The following DNAH5 variants were observed in gnomAD, a reference collection of about 807,000 sequenced individuals.
DNAH5 encodes the protein axonemal beta dynein heavy chain 5.
Under a neutral mutation model 518.2 loss-of-function variants are expected in DNAH5, and 372 were observed. That is an observed-to-expected ratio of 0.72 (90% CI 0.66 to 0.78). The LOEUF (loss-of-function observed/expected upper bound fraction) is 0.78. Ranked by LOEUF, DNAH5 falls within the 30% of genes least tolerant of loss-of-function variation. The pLI is 0.00. For missense variants in DNAH5, 5,523 were observed against 5,687.0 expected (o/e 0.97, Z 0.93); for synonymous variants, 2,039 against 2,025.9 (o/e 1.01, Z -0.17).
chr5:13,912,418 T>C (rs1055378469), intron 11 of DNAH5, among the ~76,000 whole-genome samples: 3 of 150,098 alleles, frequency 2.0e-5, no homozygotes, highest in Non-Finnish European at 3.0e-5. Flanking sequence ...TGTGTGTATG[T>C]ATATATATAT....
chr5:13,958,671 A>C (rs573813508), intron 1 of DNAH5, among the ~76,000 whole-genome samples: 8 of 152,340 alleles, frequency 5.3e-5, no homozygotes, highest in Admixed American at 2.6e-4. Flanking sequence ...ATGTGCCAAA[A>C]ACCAGTACTA....
rs142533902 is a variant in DNAH5 at position 13,734,556 on chromosome 5, T to C, written c.11761+575A>G. 2.1e-3 allele frequency among the ~76,000 whole-genome samples: 321 copies of C among 152,262 alleles called. 7 individuals carry two copies. The East Asian group carries it at 0.046, about 22-fold the overall frequency. On this transcript the variant is annotated intron_variant, in intron 68 of 78. Coordinates refer to ENST00000265104, the MANE Select transcript of DNAH5 (RefSeq NM_001369.3). Reference sequence around the variant, plus strand: ...TCCGCTTCACTCATCACCCAGTCACTTTGTTTTATCTACATCACACCAGCC... The same window carrying C: ...TCCGCTTCACTCATCACCCAGTCACCTTGTTTTATCTACATCACACCAGCC...
At position 13,735,832 on chromosome 5, in the gene DNAH5, G is replaced by C; in HGVS notation, c.11556C>G (p.Asp3852Glu). The change falls in exon 67 of 79, where the codon GAC (aspartate) becomes GAG (glutamate). Residue 3852 changes from aspartate to glutamate, a missense_variant. By Grantham distance (45) the Asp-to-Glu change is conservative. Coordinates refer to ENST00000265104, the MANE Select transcript of DNAH5 (RefSeq NM_001369.3). ...TSLRQFLGLF[D>E]LSLARSVKSP... The stretch of plus-strand genomic sequence containing the variant: ...TACAGACGTACCTGGCTAAGGAAAG[G>C]TCAAATAAGCCCAGAAACTGGCGAA... The C allele has an allele frequency of 6.2e-7, 1 of 1,614,056 alleles. No homozygotes were observed. The highest frequency in any genetic ancestry group is 8.5e-7 in the Non-Finnish European group (1 of 1,179,922).
At chr5:13,859,313 C>G in intron 30 of DNAH5, 139 bp downstream of exon 30, 2 of 879,512 alleles carry the variant, frequency 2.3e-6, no homozygotes, top group Non-Finnish European at 3.6e-6. Context: ...TGAAGAATAA[C>G]AGCATTAACA....
intron 1 of DNAH5, among the ~76,000 whole-genome samples, chr5:13,999,848 A>C (rs1358783068): frequency 1.3e-5 from 2 of 152,202 alleles, no homozygotes; most frequent in Admixed American, 1.3e-4. Context: ...CATCTTTCCA[A>C]CACTTGCCCT....
chr5:13,842,437 A>AGAGAGAGAG (rs1561407249), intron 32 of DNAH5, among the ~76,000 whole-genome samples: 2,510 of 91,224 alleles, frequency 0.028, 328 homozygotes, highest in East Asian at 0.074. Context: ...GAAAGAAAGA[A>AGAGAGAGAG]AGAAAGAAAG....
intron 1 of DNAH5, among the ~76,000 whole-genome samples, chr5:13,977,675 T>A (rs1782364354): frequency 6.6e-6 from 1 of 152,072 alleles, no homozygotes; most frequent in South Asian, 2.1e-4. Context: ...GGAGGAAATT[T>A]TCCAAGATCT....
rs1771702563 is a variant in DNAH5, at chr5:13,881,696, A to G, written c.3262+1032T>C. On this transcript the variant is annotated intron_variant, in intron 21 of 78. Transcript: ENST00000265104. The stretch of plus-strand genomic sequence containing the variant: ...GCAGCAAAAGCAGTTCTAAGAGGAA[A>G]CGGTATAGCAAAATAAACAGCTAAG... Among the ~76,000 whole-genome samples the G allele has an allele frequency of 1.3e-5, 2 of 152,178 alleles. 1 individual carries two copies. The highest frequency in any genetic ancestry group is 4.1e-4 in the South Asian group (2 of 4,822).
Position 13,865,888 on chromosome 5 carries a change from A to G in DNAH5, c.4135T>C (p.Tyr1379His). The G allele has an allele frequency of 6.3e-7, 1 of 1,599,648 alleles. No homozygotes were observed. The change falls in exon 27 of 79, where the codon TAT (tyrosine) becomes CAT (histidine). Residue 1379 changes from tyrosine (Y) to histidine (H), a missense_variant. Physicochemically the swap from Tyr to His is moderately conservative, Grantham distance 83 (BLOSUM62 2). Transcript: ENST00000265104. The stretch of plus-strand genomic sequence containing the variant: ...CCAGTATATGTGATGTATTTCCGAT[A>G]GATATTATCAAATTGATTCTAATAA... Reference protein sequence around the residue: ...IMFQNQFDNIYRKYITYTGGE... With the variant: ...IMFQNQFDNIHRKYITYTGGE...
At chr5:13,910,260 T>G (rs1326787841) in intron 12 of DNAH5, among the ~76,000 whole-genome samples, 3 of 152,204 alleles carry the variant, frequency 2.0e-5, no homozygotes, top group African/African-American at 7.2e-5. Flanking sequence ...GCCTGTGACT[T>G]TAGGCAAGCC....
intron 75 of DNAH5, among the ~76,000 whole-genome samples, chr5:13,713,890 TTCA>T (rs1743948693): frequency 6.6e-6 from 1 of 152,132 alleles, no homozygotes; most frequent in African/African-American, 2.4e-5. Flanking sequence ...AAAATTAACT[TTCA>T]TCATCATAAA....
chr5:13,862,514 C>A, intron 29 of DNAH5, 34 bp downstream of exon 29: 1 of 1,604,474 alleles, frequency 6.2e-7, no homozygotes, highest in South Asian at 1.1e-5. Context: ...TTACGGTTCT[C>A]AAATCTAAGG....
At chr5:13,866,321 T>C in intron 25 of DNAH5, 39 bp from the exon 26 acceptor site, 2 of 1,553,998 alleles carry the variant, frequency 1.3e-6, no homozygotes, top group Non-Finnish European at 1.8e-6. Context: ...GAAGGAAGTG[T>C]TTGCATATAA....
chr5:13,772,239 T>A (rs1159011338), intron 55 of DNAH5, among the ~76,000 whole-genome samples: 9 of 152,232 alleles, frequency 5.9e-5, no homozygotes, highest in African/African-American at 1.9e-4. Flanking sequence ...TATGGGATAT[T>A]CTCGGGGAAG....
chr5:13,911,161 G>A (rs187575720), intron 12 of DNAH5, among the ~76,000 whole-genome samples: 70 of 152,336 alleles, frequency 4.6e-4, no homozygotes, highest in African/African-American at 1.5e-3. Flanking sequence ...ACATGTGGAA[G>A]TCTGATACAC....
intron 42 of DNAH5, among the ~76,000 whole-genome samples, chr5:13,815,831 G>A (rs1214441053): frequency 1.3e-5 from 2 of 152,258 alleles, no homozygotes; most frequent in Admixed American, 6.5e-5. Context: ...GGTCAGGGCT[G>A]GAGATTAAAA....
At chr5:13,817,452 A>G (rs1238498694) in intron 42 of DNAH5, 96 bp downstream of exon 42, 31 of 1,272,118 alleles carry the variant, frequency 2.4e-5, no homozygotes, top group Middle Eastern at 1.9e-4. Context: ...CTAAGATATT[A>G]TACAGCAAAT....
intron 1 of DNAH5, among the ~76,000 whole-genome samples, chr5:13,961,740 A>T (rs1781202272): frequency 6.6e-6 from 1 of 152,192 alleles, no homozygotes; most frequent in South Asian, 2.1e-4. Context: ...ACACAGCATT[A>T]TGAGCCCCTT....
At chr5:13,844,076 C>T (rs1765631319) in intron 32 of DNAH5, among the ~76,000 whole-genome samples, 1 of 152,192 alleles carries the variant, frequency 6.6e-6, no homozygotes, top group Admixed American at 6.5e-5. Context: ...CTAACACTCC[C>T]TAACTGGGCT....
Sources: allele counts gnomAD v4.1 joint callset (sites outside exome capture counted in the v4.1 genomes callset), GRCh38; gene constraint gnomAD v4.1.1; transcripts MANE v1.5; gene names NCBI Gene and HGNC (gene_info 2026-07-23, HGNC 2026-07-21).